SH3RF3: variants seen among roughly 807,000 people sequenced by gnomAD.
The protein encoded by SH3RF3 is SH3 domain containing ring finger 3.
Under a neutral mutation model 66.3 loss-of-function variants are expected in SH3RF3, and 29 were observed. That is an observed-to-expected ratio of 0.44 (90% confidence interval 0.33 to 0.60). The LOEUF (loss-of-function observed/expected upper bound fraction) is 0.60, where lower values mean the gene tolerates loss of function less well. Ranked by LOEUF, SH3RF3 falls within the 20% of genes least tolerant of loss-of-function variation. The pLI, the probability that SH3RF3 is intolerant of heterozygous loss-of-function variation, is 0.04. For missense variants in SH3RF3, 1,194 were observed against 1,190.9 expected (o/e 1.00, Z -0.04); for synonymous variants, 583 against 532.0 (o/e 1.10, Z -1.32).
At chr2:109,233,370 C>T (rs1679566045) in intron 1 of SH3RF3, among the ~76,000 whole-genome samples, 2 of 152,090 alleles carry the variant, frequency 1.3e-5, no homozygotes, top group African/African-American at 2.4e-5. Context: ...GTTTGGCTGT[C>T]CCCAGCTGAA....
At chr2:109,325,283 G>T (rs1285596231) in intron 1 of SH3RF3, among the ~76,000 whole-genome samples, 1 of 148,772 alleles carries the variant, frequency 6.7e-6, no homozygotes, top group African/African-American at 2.5e-5. Context: ...AATCCCAGGA[G>T]TCATTGGATT....
At chr2:109,194,126 G>C (rs1351719534) in intron 1 of SH3RF3, among the ~76,000 whole-genome samples, 2 of 152,260 alleles carry the variant, frequency 1.3e-5, no homozygotes, top group African/African-American at 4.8e-5. Context: ...GGCAGTTGCT[G>C]TTGATGGAGT....
rs190879823 is a variant in SH3RF3, at chr2:109,451,898, C to A, written c.2148+2409C>A. Among the ~76,000 whole-genome samples the A allele has an allele frequency of 1.1e-4, 16 of 152,376 alleles. No homozygotes were observed. The South Asian group carries it at 1.2e-3, about 12-fold the overall frequency. On this transcript the variant is annotated intron_variant, in intron 8 of 9. Transcript: ENST00000309415. ...ACACATGCTGTGGGAGCAGTCCACG[C>A]TGCACTCCAGGCAGGAGGGGAAGTG...
In SH3RF3 at chr2:109,437,013, C is replaced by T. The variant is rs1559083292; in HGVS notation, c.1695C>T (p.Ala565=). ...GGAGTCTGAGCAGCCTGGCCACTGCCACCAGGCCCGCCCTGCCCATCACCA... is the reference window on the plus strand; with the variant it reads ...GGAGTCTGAGCAGCCTGGCCACTGCTACCAGGCCCGCCCTGCCCATCACCA... The part of the protein sequence containing the change: ...GSGSLSSLAT[A]TRPALPITTP... Residue 565 remains alanine, a synonymous_variant, in exon 7 of 10, where the codon GCC becomes GCT. Coordinates refer to ENST00000309415, the MANE Select transcript of SH3RF3 (RefSeq NM_001099289.3). 1 of 1,613,898 alleles carries T rather than the reference C, an allele frequency of 6.2e-7. No individual in the cohort carries two copies. Among genetic ancestry groups the T allele is most frequent in the Non-Finnish European group, 8.5e-7 (1 of 1,179,894 alleles).
intron 1 of SH3RF3, among the ~76,000 whole-genome samples, chr2:109,169,938 T>G (rs965351076): frequency 6.6e-6 from 1 of 152,150 alleles, no homozygotes; most frequent in Non-Finnish European, 1.5e-5. Context: ...GTATATGAGT[T>G]TTAAATCTTT....
At chr2:109,354,266 G>A (rs754506451) in intron 2 of SH3RF3, among the ~76,000 whole-genome samples, 11 of 152,226 alleles carry the variant, frequency 7.2e-5, no homozygotes, top group Non-Finnish European at 1.0e-4. Context: ...GGGTCACTGC[G>A]GTGGAGCAGG....
chr2:109,310,488 A>G (rs1681699627), intron 1 of SH3RF3, among the ~76,000 whole-genome samples: 2 of 59,038 alleles, frequency 3.4e-5, no homozygotes, highest in Non-Finnish European at 5.5e-5. Flanking sequence ...AAATAACTAA[A>G]ATCAGAGCAG....
intron 1 of SH3RF3, among the ~76,000 whole-genome samples, chr2:109,141,303 A>T (rs995941583): frequency 6.6e-6 from 1 of 152,020 alleles, no homozygotes; most frequent in African/African-American, 2.4e-5. Context: ...CGGCTTTTGC[A>T]GTTGCCACTG....
At chr2:109,433,411 G>C in intron 6 of SH3RF3, among the ~76,000 whole-genome samples, 1 of 152,244 alleles carries the variant, frequency 6.6e-6, no homozygotes, top group East Asian at 1.9e-4. Flanking sequence ...AGTCACTGAA[G>C]AGACAAGGGG....
At chr2:109,386,095 G>A (rs2104395195) in intron 3 of SH3RF3, among the ~76,000 whole-genome samples, 1 of 152,308 alleles carries the variant, frequency 6.6e-6, no homozygotes, top group Admixed American at 6.5e-5. Flanking sequence ...AATGTAGATT[G>A]GATCTGGAAG....
intron 3 of SH3RF3, among the ~76,000 whole-genome samples, chr2:109,398,010 G>A: frequency 6.6e-6 from 1 of 152,248 alleles, no homozygotes; most frequent in East Asian, 1.9e-4. Context: ...GCTCAGGCCA[G>A]CTTCTGGGGC....
chr2:109,225,665 G>T (rs1398169384), intron 1 of SH3RF3, among the ~76,000 whole-genome samples: 1 of 152,226 alleles, frequency 6.6e-6, no homozygotes. Context: ...TGACCGTCTT[G>T]TTTCCTGTAA....
At chr2:109,299,843 A>G (rs1681413275) in intron 1 of SH3RF3, among the ~76,000 whole-genome samples, 1 of 152,192 alleles carries the variant, frequency 6.6e-6, no homozygotes, top group East Asian at 1.9e-4. Flanking sequence ...CCCAGCATGT[A>G]CAGCCAGGCT....
At chr2:109,260,389 C>A (rs34827631) in intron 1 of SH3RF3, among the ~76,000 whole-genome samples, 38,359 of 152,132 alleles carry the variant, frequency 0.25, 5,259 homozygotes, top group East Asian at 0.46. Flanking sequence ...CCAGGAACCA[C>A]CAAAGCAGGA....
intron 1 of SH3RF3, among the ~76,000 whole-genome samples, chr2:109,332,797 A>G (rs186497826): frequency 5.3e-5 from 8 of 152,364 alleles, no homozygotes; most frequent in African/African-American, 1.9e-4. Flanking sequence ...GGTGAGAAAT[A>G]GGACTCGGAA....
intron 1 of SH3RF3, among the ~76,000 whole-genome samples, chr2:109,270,287 G>A (rs1680594148): frequency 6.6e-6 from 1 of 152,162 alleles, no homozygotes; most frequent in Non-Finnish European, 1.5e-5. Flanking sequence ...GTCTGTGGTT[G>A]CCTGAGGTGG....
chr2:109,223,457 C>G (rs1255740804), intron 1 of SH3RF3, among the ~76,000 whole-genome samples: 2 of 152,224 alleles, frequency 1.3e-5, no homozygotes, highest in African/African-American at 4.8e-5. Context: ...GGCATTGTCC[C>G]CCTTTGGGAG....
At chr2:109,241,513 G>A (rs1045839027) in intron 1 of SH3RF3, among the ~76,000 whole-genome samples, 2 of 151,928 alleles carry the variant, frequency 1.3e-5, no homozygotes, top group African/African-American at 4.8e-5. Context: ...CATTTTGTTG[G>A]CAGAAAATCA....
chr2:109,448,733 C>T (rs1379310574), intron 7 of SH3RF3, among the ~76,000 whole-genome samples: 1 of 152,128 alleles, frequency 6.6e-6, no homozygotes, highest in Non-Finnish European at 1.5e-5. Context: ...AAATAAAGTA[C>T]ATAACAAATG....
Sources: gnomAD v4.1 joint callset for allele counts (sites outside exome capture counted in the v4.1 genomes callset) on GRCh38, gnomAD v4.1.1 for gene constraint, MANE v1.5 for transcripts, NCBI Gene and HGNC (gene_info 2026-07-23, HGNC 2026-07-21) for gene names.